RGS7: variants seen among roughly 807,000 people sequenced by gnomAD.
The protein encoded by RGS7 is regulator of G protein signaling 7.
RGS7 carries 27 observed loss-of-function variants against 81.1 expected under a neutral mutation model. The observed-to-expected ratio is 0.33, with a 90% CI of 0.25 to 0.46. The LOEUF is 0.46. Ranked by LOEUF, RGS7 falls within the 20% of genes least tolerant of loss-of-function variation. RGS7 has a pLI of 1.00. For synonymous variants in RGS7, 208 were observed against 207.7 expected (o/e 1.00, Z -0.01); for missense variants, 396 against 607.4 (o/e 0.65, Z 3.66).
At chr1:240,956,713 G>A (rs1047280143) in intron 4 of RGS7, among the ~76,000 whole-genome samples, 2 of 152,160 alleles carry the variant, frequency 1.3e-5, no homozygotes, top group African/African-American at 4.8e-5. Flanking sequence ...CCTATGGAGT[G>A]TATGACTCCA....
chr1:241,355,874 T>A (rs1381259957), intron 1 of RGS7, 48 bp from the exon 2 acceptor site: 1 of 968,362 alleles, frequency 1.0e-6, no homozygotes, highest in Admixed American at 1.8e-5. Context: ...GGGACTCCCC[T>A]GATTCATCAT....
intron 2 of RGS7, among the ~76,000 whole-genome samples, chr1:241,146,500 G>C (rs1473663268): frequency 6.6e-6 from 1 of 152,128 alleles, no homozygotes; most frequent in Non-Finnish European, 1.5e-5. Flanking sequence ...CCACACGATT[G>C]TTCCCCTATC....
intron 2 of RGS7, among the ~76,000 whole-genome samples, chr1:241,178,287 G>A (rs2071320159): frequency 6.6e-6 from 1 of 152,058 alleles, no homozygotes; most frequent in Admixed American, 6.6e-5. Flanking sequence ...GCAAGACCCT[G>A]TCTCTAAAAA....
intron 9 of RGS7, among the ~76,000 whole-genome samples, chr1:240,845,798 T>A (rs1049723505): frequency 5.3e-5 from 8 of 152,218 alleles, no homozygotes; most frequent in Non-Finnish European, 8.8e-5. Flanking sequence ...CCAGGTGGCA[T>A]GCATTTAACA....
At chr1:241,250,196 T>A (rs1446859553) in intron 2 of RGS7, among the ~76,000 whole-genome samples, 2 of 152,208 alleles carry the variant, frequency 1.3e-5, no homozygotes, top group Non-Finnish European at 2.9e-5. Context: ...AGTGTTATTC[T>A]ATACAGCATA....
chr1:241,269,917 C>A (rs976195248), intron 2 of RGS7, among the ~76,000 whole-genome samples: 1 of 152,168 alleles, frequency 6.6e-6, no homozygotes, highest in African/African-American at 2.4e-5. Context: ...AAACATAGGG[C>A]ATTATGAGGC....
chr1:240,934,691 TATAG>T (rs569272071), intron 5 of RGS7, among the ~76,000 whole-genome samples: 85 of 152,282 alleles, frequency 5.6e-4, no homozygotes, highest in African/African-American at 1.6e-3. Context: ...TGTGTATATG[TATAG>T]ATAGTTTATT....
intron 2 of RGS7, among the ~76,000 whole-genome samples, chr1:241,167,684 A>C (rs1460915725): frequency 6.6e-6 from 1 of 151,304 alleles, no homozygotes; most frequent in East Asian, 1.9e-4. Context: ...ACGCCCGGCT[A>C]ATTTTTTGCA....
chr1:240,874,223 T>TAAACA (rs955254301), intron 6 of RGS7, among the ~76,000 whole-genome samples: 1 of 152,182 alleles, frequency 6.6e-6, no homozygotes, highest in Non-Finnish European at 1.5e-5. Flanking sequence ...TTGCTGTTTA[T>TAAACA]AAACAAAACA....
At chr1:241,035,443 A>G (rs1440728540) in intron 3 of RGS7, among the ~76,000 whole-genome samples, 1 of 152,152 alleles carries the variant, frequency 6.6e-6, no homozygotes, top group Non-Finnish European at 1.5e-5. Flanking sequence ...TCTGGTTGGG[A>G]TAATTATGAA....
At chr1:241,104,297 A>G (rs957860892) in intron 2 of RGS7, among the ~76,000 whole-genome samples, 1 of 152,150 alleles carries the variant, frequency 6.6e-6, no homozygotes, top group African/African-American at 2.4e-5. Context: ...AAGTGCAAAT[A>G]TTTGTTAGAC....
chr1:240,906,014 T>C (rs909582457), intron 6 of RGS7, among the ~76,000 whole-genome samples: 5 of 152,184 alleles, frequency 3.3e-5, no homozygotes, highest in Admixed American at 3.3e-4. Context: ...TTCCATCTCA[T>C]ACCATCTGCC....
intron 2 of RGS7, among the ~76,000 whole-genome samples, chr1:241,258,573 A>G (rs2148263184): frequency 6.6e-6 from 1 of 152,312 alleles, no homozygotes; most frequent in African/African-American, 2.4e-5. Context: ...ATAAAATGTA[A>G]CATCCTTTCC....
intron 3 of RGS7, among the ~76,000 whole-genome samples, chr1:240,992,610 G>T (rs945439533): frequency 1.3e-5 from 2 of 152,110 alleles, no homozygotes; most frequent in Non-Finnish European, 2.9e-5. Flanking sequence ...ATAGTGCTAT[G>T]TATAGACCAA....
At chr1:241,102,941 A>G (rs540505344) in intron 2 of RGS7, among the ~76,000 whole-genome samples, 1 of 151,518 alleles carries the variant, frequency 6.6e-6, no homozygotes, top group African/African-American at 2.4e-5. Context: ...TGACTTGAAC[A>G]TGCTTGATGG....
At chr1:241,290,391 C>T (rs1212233392) in intron 2 of RGS7, among the ~76,000 whole-genome samples, 2 of 152,146 alleles carry the variant, frequency 1.3e-5, no homozygotes, top group African/African-American at 4.8e-5. Context: ...AAAAGCTTAC[C>T]AAAATACAGC....
intron 2 of RGS7, among the ~76,000 whole-genome samples, chr1:241,237,201 A>G (rs184759676): frequency 6.6e-6 from 1 of 152,260 alleles, no homozygotes; most frequent in Non-Finnish European, 1.5e-5. Flanking sequence ...TAAGAATTAC[A>G]CGTGACTTCT....
rs1670369174 is a variant in RGS7 at position 240,903,663 on chromosome 1, A to C, written c.385+27054T>G. On this transcript the variant is annotated intron_variant, in intron 6 of 18. Coordinates refer to ENST00000440928, the MANE Select transcript of RGS7 (RefSeq NM_001364886.1). ...TGGATATCTGACCCCTCCAAGCCTC[A>C]TGTTGAAATCTGATCCCCATGATGG... is the stretch of plus-strand genomic sequence containing the variant. Among the ~76,000 whole-genome samples the C allele has an allele frequency of 2.0e-5, 3 of 152,126 alleles. No individual in the cohort carries two copies. The South Asian group carries it at 6.2e-4, about 32-fold the overall frequency.
At chr1:241,317,385 C>A (rs958337406) in intron 2 of RGS7, among the ~76,000 whole-genome samples, 5 of 152,226 alleles carry the variant, frequency 3.3e-5, no homozygotes, top group Non-Finnish European at 5.9e-5. Flanking sequence ...TACAAGCCAG[C>A]TCCAGCACAC....
Sources: allele counts gnomAD v4.1 joint callset (sites outside exome capture counted in the v4.1 genomes callset), GRCh38; gene constraint gnomAD v4.1.1; transcripts MANE v1.5; gene names NCBI Gene and HGNC (gene_info 2026-07-23, HGNC 2026-07-21).